Variants in EPB41L3 observed in about 807,000 individuals in gnomAD.
EPB41L3 encodes band 4.1-like protein 3.
A neutral mutation model predicts 127.1 loss-of-function variants in EPB41L3; 57 were observed. The ratio of observed to expected loss-of-function variants is 0.45; its 90% CI spans 0.36 to 0.56. EPB41L3 has a LOEUF of 0.56. Ranked by LOEUF, EPB41L3 falls within the 20% of genes least tolerant of loss-of-function variation. The pLI, the probability that EPB41L3 is intolerant of heterozygous loss-of-function variation, is 0.00. For synonymous variants in EPB41L3, 572 were observed against 549.5 expected (o/e 1.04, Z -0.57); for missense variants, 1,273 against 1,372.2 (o/e 0.93, Z 1.14).
chr18:5,543,028 C>G lies in EPB41L3; in HGVS notation c.-12+885G>C, dbSNP rs1160852457. On this transcript the variant is annotated intron_variant, in intron 1 of 22. Transcript: ENST00000341928. This position sits in a 1 kb window ranked among gnomAD's most constrained non-coding sequence, Gnocchi z 5.2. Reference sequence around the variant, plus strand: ...GGCAGAGCCGCCTTCGCAGACACCTCCCGAGGAGAATCGCGGCCCCGAGGG... The same window carrying G: ...GGCAGAGCCGCCTTCGCAGACACCTGCCGAGGAGAATCGCGGCCCCGAGGG... 6.6e-6 allele frequency among the ~76,000 whole-genome samples: 1 copy of G among 152,112 alleles called. No individual in the cohort carries two copies. Among genetic ancestry groups the G allele is most frequent in the Non-Finnish European group, 1.5e-5 (1 of 68,002 alleles).
At chr18:5,619,362 G>GT (rs747366672) in intron 1 of EPB41L3, among the ~76,000 whole-genome samples, 13 of 151,894 alleles carry the variant, frequency 8.6e-5, no homozygotes, top group African/African-American at 1.7e-4. Flanking sequence ...TCTTTTTTAT[G>GT]TTTTTTTTCT....
intron 1 of EPB41L3, among the ~76,000 whole-genome samples, chr18:5,517,827 C>A (rs781500307): frequency 6.6e-6 from 1 of 152,088 alleles, no homozygotes; most frequent in South Asian, 2.1e-4. Flanking sequence ...CACCACCAGA[C>A]GCTTTTCTCC....
intron 3 of EPB41L3, chr18:5,567,189 C>G (rs2094218114): frequency 6.6e-6 from 1 of 152,318 alleles, no homozygotes; most frequent in Non-Finnish European, 1.5e-5. Context: ...CCTTTCTTTT[C>G]TCACAAGCCT....
chr18:5,479,017 T>C (rs1355204127), intron 2 of EPB41L3, among the ~76,000 whole-genome samples: 1 of 152,226 alleles, frequency 6.6e-6, no homozygotes, highest in Non-Finnish European at 1.5e-5. Flanking sequence ...ATCCCCTATG[T>C]CTGCTTCCCT....
At chr18:5,456,181 T>C (rs1053131467) in intron 3 of EPB41L3, among the ~76,000 whole-genome samples, 1 of 152,108 alleles carries the variant, frequency 6.6e-6, no homozygotes, top group Non-Finnish European at 1.5e-5. Flanking sequence ...TGTAGCACTG[T>C]CACTTTTCAA....
chr18:5,566,516 C>T (rs549949663), intron 3 of EPB41L3, among the ~76,000 whole-genome samples: 26 of 151,974 alleles, frequency 1.7e-4, no homozygotes, highest in Non-Finnish European at 2.9e-4. Flanking sequence ...GAATTAATAC[C>T]GTGAAAATGG....
At chr18:5,547,245 A>G (rs924485320), upstream of EPB41L3, among the ~76,000 whole-genome samples, 1 of 152,174 alleles carries the variant, frequency 6.6e-6, no homozygotes, top group African/African-American at 2.4e-5. Flanking sequence ...AAATAAAGCC[A>G]CTATAGCCCC....
intron 3 of EPB41L3, among the ~76,000 whole-genome samples, chr18:5,554,462 G>A (rs762254511): frequency 1.6e-4 from 24 of 152,190 alleles, no homozygotes; most frequent in Non-Finnish European, 2.6e-4. Flanking sequence ...AGATTTGGAA[G>A]GAAGAAACTA....
intron 16 of EPB41L3, among the ~76,000 whole-genome samples, chr18:5,403,500 G>C (rs2074849280): frequency 6.7e-6 from 1 of 148,746 alleles, no homozygotes; most frequent in African/African-American, 2.5e-5. Flanking sequence ...AACTACTATA[G>C]ATACAACAGT....
chr18:5,498,630 T>G (rs1468374113), intron 1 of EPB41L3, among the ~76,000 whole-genome samples: 1 of 147,980 alleles, frequency 6.8e-6, no homozygotes, highest in East Asian at 2.0e-4. Flanking sequence ...ACTTCAGAAC[T>G]GATGACATCA....
chr18:5,558,329 C>T (rs2149187473), intron 3 of EPB41L3, among the ~76,000 whole-genome samples: 1 of 152,318 alleles, frequency 6.6e-6, no homozygotes, highest in South Asian at 2.1e-4. Context: ...GATATGAGGA[C>T]TTATTGGAGT....
Position 5,472,844 on chromosome 18 carries a change from T to C in EPB41L3, c.381+5397A>G, listed in dbSNP as rs2086415702. On this transcript the variant is annotated intron_variant, in intron 3 of 22. Coordinates refer to ENST00000341928, the MANE Select transcript of EPB41L3 (RefSeq NM_012307.5). Reference sequence around the variant, plus strand: ...AGAGTATTAGGCAAGTTTTTAACCGTCCCTTACTGACCAATAGTTAGAAGG... The same window carrying C: ...AGAGTATTAGGCAAGTTTTTAACCGCCCCTTACTGACCAATAGTTAGAAGG... Among the ~76,000 whole-genome samples, 3 of 152,196 alleles carry C rather than the reference T, an allele frequency of 2.0e-5. No homozygotes were observed. In the South Asian group the frequency reaches 6.2e-4, roughly 32 times the overall value.
intron 3 of EPB41L3, among the ~76,000 whole-genome samples, chr18:5,581,276 TA>T (rs1157251620): frequency 6.6e-6 from 1 of 152,234 alleles, no homozygotes; most frequent in Non-Finnish European, 1.5e-5. Flanking sequence ...CTGGTTTTGC[TA>T]AATTTATCTT....
At position 5,419,737 on chromosome 18, in the gene EPB41L3, T is replaced by C. The variant is rs545415448; in HGVS notation, c.1480A>G (p.Ile494Val). ...TTTCCCTCGTGCCGGATGGCCGAGA[T>C]GGGCGTGACTTCTTCCCCCTTCCTC... ...KRRKGEEVTPISAIRHEGKSP... is the reference protein window; with the variant it reads ...KRRKGEEVTPVSAIRHEGKSP... Residue 494 changes from isoleucine (I) to valine (V), a missense_variant, in exon 12 of 23, where the codon ATC (isoleucine) becomes GTC (valine). Transcript: ENST00000341928. 1.1e-5 allele frequency: 17 copies of C among 1,614,190 alleles called. No individual in the cohort carries two copies. In the South Asian group the frequency reaches 1.4e-4, roughly 14 times the overall value.
intron 3 of EPB41L3, among the ~76,000 whole-genome samples, chr18:5,597,748 A>C (rs1719984): frequency 0.98 from 149,573 of 152,242 alleles, 73,526 homozygotes; most frequent in East Asian, 1. Flanking sequence ...AAAGATGGAT[A>C]CTGTCTTGTC....
chr18:5,504,803 A>C (rs2092018425), intron 1 of EPB41L3, among the ~76,000 whole-genome samples: 1 of 152,056 alleles, frequency 6.6e-6, no homozygotes, highest in Non-Finnish European at 1.5e-5. Context: ...GCTACTCCTG[A>C]TTCCCAAGCC....
intron 3 of EPB41L3, among the ~76,000 whole-genome samples, chr18:5,608,393 C>A (rs1244315378): frequency 6.6e-6 from 1 of 152,086 alleles, no homozygotes; most frequent in Non-Finnish European, 1.5e-5. Context: ...TGAGAAGACC[C>A]CTCAACAGAA....
intron 3 of EPB41L3, among the ~76,000 whole-genome samples, chr18:5,557,551 A>G (rs1330297630): frequency 6.6e-6 from 1 of 152,092 alleles, no homozygotes; most frequent in Non-Finnish European, 1.5e-5. Flanking sequence ...CCACATGGCT[A>G]ATTTTTGTAT....
At chr18:5,441,775 T>C (rs1332226696) in intron 5 of EPB41L3, among the ~76,000 whole-genome samples, 1 of 152,244 alleles carries the variant, frequency 6.6e-6, no homozygotes, top group Non-Finnish European at 1.5e-5. Flanking sequence ...CGAATTCCAT[T>C]TTTAAAGAAA....
Sources: allele counts gnomAD v4.1 joint callset (sites outside exome capture counted in the v4.1 genomes callset), GRCh38; gene constraint gnomAD v4.1.1; non-coding constraint Gnocchi (gnomAD v3.1); transcripts MANE v1.5; gene names NCBI Gene and HGNC (gene_info 2026-07-23, HGNC 2026-07-21).